OSBPL1A: variants seen among roughly 807,000 people sequenced by gnomAD.
The protein encoded by OSBPL1A is oxysterol binding protein like 1A, also known as oxysterol-binding protein-related protein 1.
A neutral mutation model predicts 137.1 loss-of-function variants in OSBPL1A; 80 were observed. That is an observed-to-expected ratio of 0.58 (90% CI 0.49 to 0.70). OSBPL1A has a LOEUF of 0.70. Among genes scored for constraint, OSBPL1A ranks in the 30% least tolerant of loss-of-function variants. OSBPL1A has a pLI of 0.00. For synonymous variants in OSBPL1A, 365 were observed against 389.7 expected (o/e 0.94, Z 0.75); for missense variants, 970 against 1,129.4 (o/e 0.86, Z 2.02).
intron 4 of OSBPL1A, among the ~76,000 whole-genome samples, chr18:24,356,516 C>G (rs979710256): frequency 6.6e-6 from 1 of 152,108 alleles, no homozygotes; most frequent in Non-Finnish European, 1.5e-5. Flanking sequence ...AAATGGCGCC[C>G]TGGCTGAGGT....
At chr18:24,218,800 G>C (rs1490199525) in intron 17 of OSBPL1A, among the ~76,000 whole-genome samples, 1 of 152,130 alleles carries the variant, frequency 6.6e-6, no homozygotes, top group Non-Finnish European at 1.5e-5. Flanking sequence ...AATCACTAGA[G>C]AGTATAGTTT....
rs139368400 is a variant in OSBPL1A, at chr18:24,368,485, A to G, written c.122-113T>C. On this transcript the variant is annotated intron_variant, in intron 2 of 27. Coordinates refer to ENST00000319481, the MANE Select transcript of OSBPL1A (RefSeq NM_080597.4). Reference sequence around the variant, plus strand: ...TAATCTCCTTTGCAATGCATTGCTGATAAGTGAGAGGCAAGATATGTGACC... The same window carrying G: ...TAATCTCCTTTGCAATGCATTGCTGGTAAGTGAGAGGCAAGATATGTGACC... 319 of 764,320 alleles carry G rather than the reference A, an allele frequency of 4.2e-4. 2 individuals carry two copies. In the East Asian group the frequency reaches 7.8e-3, roughly 19 times the overall value. 47.3% of individuals were successfully genotyped at this position (764,320 alleles called of 1,614,324 possible). A position where few individuals can be genotyped will look rare whatever the true frequency, so the allele number is the denominator to read the frequency against.
intron 1 of OSBPL1A, among the ~76,000 whole-genome samples, chr18:24,385,163 C>G (rs1906875427): frequency 6.6e-6 from 1 of 151,874 alleles, no homozygotes; most frequent in South Asian, 2.1e-4. Flanking sequence ...ACTGTGTTAG[C>G]CAGGATGGTC....
rs1298881050 is a variant in OSBPL1A, at chr18:24,333,365, T to C, written c.481-279A>G. ...GCACCATCTCACACACCTCAGACAC[T>C]AAGATTTCACAATGATTTACATGCC... On this transcript the variant is annotated intron_variant, in intron 6 of 27. Transcript: ENST00000319481. Among the ~76,000 whole-genome samples the C allele has an allele frequency of 2.0e-5, 3 of 152,166 alleles. No homozygotes were observed. In the East Asian group the frequency reaches 5.8e-4, roughly 29 times the overall value.
At chr18:24,263,289 C>T (rs1288815094) in intron 15 of OSBPL1A, among the ~76,000 whole-genome samples, 1 of 152,192 alleles carries the variant, frequency 6.6e-6, no homozygotes, top group African/African-American at 2.4e-5. Context: ...ATTTACTTTA[C>T]ACCAGGTGCT....
intron 21 of OSBPL1A, among the ~76,000 whole-genome samples, chr18:24,176,355 T>C (rs1308620033): frequency 6.6e-6 from 1 of 152,246 alleles, no homozygotes; most frequent in Non-Finnish European, 1.5e-5. Flanking sequence ...CAGTATCTTG[T>C]AGTTTTCAAC....
chr18:24,248,402 C>G (rs1287440423), intron 15 of OSBPL1A, among the ~76,000 whole-genome samples: 1 of 152,190 alleles, frequency 6.6e-6, no homozygotes, highest in South Asian at 2.1e-4. Context: ...TTATAGCTGA[C>G]TGTGATTGGC....
intron 4 of OSBPL1A, among the ~76,000 whole-genome samples, chr18:24,344,812 T>C (rs1005743091): frequency 2.7e-5 from 4 of 150,340 alleles, no homozygotes; most frequent in African/African-American, 5.0e-5. Flanking sequence ...TGGGGGATTT[T>C]TTGTTTTTGT....
intron 21 of OSBPL1A, among the ~76,000 whole-genome samples, 180 bp from the exon 22 acceptor site, chr18:24,172,663 T>G (rs916409741): frequency 1.3e-5 from 2 of 152,222 alleles, no homozygotes; most frequent in African/African-American, 4.8e-5. Context: ...CATTTGCCCA[T>G]TCTTGTTTCT....
intron 14 of OSBPL1A, among the ~76,000 whole-genome samples, chr18:24,292,369 A>G (rs2090190306): frequency 1.3e-5 from 2 of 152,162 alleles, no homozygotes; most frequent in African/African-American, 4.8e-5. Flanking sequence ...TTTCTTCCCT[A>G]TTTCATGTCT....
intron 4 of OSBPL1A, among the ~76,000 whole-genome samples, chr18:24,350,469 G>A (rs1437586401): frequency 6.6e-6 from 1 of 152,042 alleles, no homozygotes; most frequent in Non-Finnish European, 1.5e-5. Flanking sequence ...AGGGGTGGGG[G>A]TAGGTAGAGA....
intron 2 of OSBPL1A, among the ~76,000 whole-genome samples, chr18:24,376,206 G>A (rs941277611): frequency 2.6e-5 from 4 of 152,232 alleles, no homozygotes; most frequent in Admixed American, 6.5e-5. Context: ...AGAGCCGAGT[G>A]GTCTGTTTTG....
At chr18:24,269,253 T>C (rs2089657510) in intron 15 of OSBPL1A, among the ~76,000 whole-genome samples, 1 of 152,228 alleles carries the variant, frequency 6.6e-6, no homozygotes. Flanking sequence ...TGACTCTAAC[T>C]GCCCAAGATA....
At chr18:24,352,759 C>T (rs562294722) in intron 4 of OSBPL1A, among the ~76,000 whole-genome samples, 3 of 152,168 alleles carry the variant, frequency 2.0e-5, no homozygotes, top group Non-Finnish European at 2.9e-5. Context: ...AGAAATAATG[C>T]TGCATATCTA....
At chr18:24,284,371 A>G (rs2090027585) in intron 14 of OSBPL1A, among the ~76,000 whole-genome samples, 1 of 152,196 alleles carries the variant, frequency 6.6e-6, no homozygotes, top group Admixed American at 6.5e-5. Context: ...GCCTGCTGTA[A>G]GAATCTGATG....
At chr18:24,296,316 C>A (rs959292365) in intron 14 of OSBPL1A, among the ~76,000 whole-genome samples, 2 of 152,084 alleles carry the variant, frequency 1.3e-5, no homozygotes, top group Non-Finnish European at 2.9e-5. Flanking sequence ...GTCGCTGTTG[C>A]TGTACAGCTG....
At chr18:24,276,236 A>C (rs984582000) in intron 15 of OSBPL1A, among the ~76,000 whole-genome samples, 1 of 152,202 alleles carries the variant, frequency 6.6e-6, no homozygotes, top group African/African-American at 2.4e-5. Flanking sequence ...ACAGAAACAA[A>C]TATAATTCCA....
At chr18:24,354,178 A>G (rs1018952208) in intron 4 of OSBPL1A, among the ~76,000 whole-genome samples, 2 of 152,190 alleles carry the variant, frequency 1.3e-5, no homozygotes, top group African/African-American at 4.8e-5. Flanking sequence ...AAAAGTAGGT[A>G]CTTCTGGAAG....
chr18:24,263,006 T>A (rs980109761), intron 15 of OSBPL1A, among the ~76,000 whole-genome samples: 1 of 152,208 alleles, frequency 6.6e-6, no homozygotes, highest in Non-Finnish European at 1.5e-5. Flanking sequence ...ATTTATTCCA[T>A]GATTTCCAGC....
Sources: allele counts gnomAD v4.1 joint callset (sites outside exome capture counted in the v4.1 genomes callset), GRCh38; gene constraint gnomAD v4.1.1; transcripts MANE v1.5; gene names NCBI Gene and HGNC (gene_info 2026-07-23, HGNC 2026-07-21).